GPC4: variants seen among roughly 807,000 people sequenced by gnomAD.
GPC4 encodes the protein glypican 4.
GPC4 carries 10 observed loss-of-function variants against 35.0 expected under a neutral mutation model. That is an observed-to-expected ratio of 0.29 (90% CI 0.18 to 0.48). The LOEUF (loss-of-function observed/expected upper bound fraction) is 0.48, where lower values mean the gene tolerates loss of function less well. Among genes scored for constraint, GPC4 ranks in the 20% least tolerant of loss-of-function variants. The probability of loss-of-function intolerance (pLI) is 0.99; values close to 1 mark genes in which losing one functional copy is unlikely to be tolerated. For missense variants in GPC4, 322 were observed against 451.3 expected, an observed-to-expected ratio of 0.71 and a Z score of 2.60; for synonymous variants, 167 against 170.2, an observed-to-expected ratio of 0.98 and a Z score of 0.15.
At chrX:133,341,494 T>C (rs1330659363) in intron 1 of GPC4, among the ~76,000 whole-genome samples, 1 of 111,877 alleles carries the variant, frequency 8.9e-6, no homozygotes, top group Non-Finnish European at 1.9e-5. Flanking sequence ...CCTGCAAAGA[T>C]TCCATTGTGG....
chrX:133,313,419 CCTAA>C (rs1452908402), intron 3 of GPC4, among the ~76,000 whole-genome samples: 7 of 112,838 alleles, frequency 6.2e-5, no homozygotes, highest in African/African-American at 2.3e-4. Context: ...CTAAATTAGT[CCTAA>C]CTATGTATTA....
In GPC4 at chrX:133,307,822, C is replaced by T. The variant is rs767644503; in HGVS notation, c.878-1668G>A. On this transcript the variant is annotated intron_variant, in intron 4 of 8. Coordinates refer to ENST00000370828, the MANE Select transcript of GPC4 (RefSeq NM_001448.3). Reference sequence around the variant, plus strand: ...ACAACAACAACAACAAAACCCAGTGCATTTTGTAACTCCTTATTCCCCTAG... The same window carrying T: ...ACAACAACAACAACAAAACCCAGTGTATTTTGTAACTCCTTATTCCCCTAG... Among the ~76,000 whole-genome samples the T allele has an allele frequency of 2.7e-5, 3 of 112,182 alleles. No individual in the cohort carries two copies. The East Asian group carries it at 8.4e-4, about 31-fold the overall frequency.
At chrX:133,348,397 CT>C (rs2068502549) in intron 1 of GPC4, among the ~76,000 whole-genome samples, 1 of 112,198 alleles carries the variant, frequency 8.9e-6, no homozygotes, top group Non-Finnish European at 1.9e-5. Context: ...AATAGTAATA[CT>C]ACTAGTGATT....
In GPC4 at chrX:133,300,263, G is replaced by A. The variant is rs2068262532; in HGVS notation, c.*2604C>T. On this transcript the variant is annotated 3_prime_UTR_variant, in exon 9 of 9. Transcript: ENST00000370828. ...AATCAAAATAACAGGTGCTAGTTAC[G>A]ATTTTTGAAATAAAATATAAATCTA... is the stretch of plus-strand genomic sequence containing the variant. 1 of 112,115 alleles carries A rather than the reference G, an allele frequency of 8.9e-6. No homozygotes were observed. Among genetic ancestry groups the A allele is most frequent in the Non-Finnish European group, 1.9e-5 (1 of 53,231 alleles). The allele number at this position is 112,115 out of a possible 1,213,427, so 9.2% of individuals were successfully genotyped here.
At position 133,397,242 on chromosome X, in the gene GPC4, T is replaced by C. The variant is rs2068747352; in HGVS notation, c.160+17564A>G. The stretch of plus-strand genomic sequence containing the variant: ...AAGCTCGAGACCAGCCTGGGCAACA[T>C]GGCAAAACCCCATCTCTACAAAAAA... On this transcript the variant is annotated intron_variant, in intron 1 of 8. Coordinates refer to ENST00000370828, the MANE Select transcript of GPC4 (RefSeq NM_001448.3). Among the ~76,000 whole-genome samples, 3 of 111,754 alleles carry C rather than the reference T, an allele frequency of 2.7e-5. No homozygotes were observed. In the South Asian group the frequency reaches 1.1e-3, roughly 41 times the overall value.
At chrX:133,336,692 T>A (rs1215859548) in intron 2 of GPC4, among the ~76,000 whole-genome samples, 1 of 111,391 alleles carries the variant, frequency 9.0e-6, no homozygotes, top group Non-Finnish European at 1.9e-5. Flanking sequence ...GGCATTCCAG[T>A]ATTCCAGCAT....
At position 133,339,341 on chromosome X, in the gene GPC4, C is replaced by A; in HGVS notation, c.161G>T (p.Gly54Val). 8.3e-7 allele frequency: 1 copy of A among 1,206,944 alleles called. No homozygotes were observed. The highest frequency in any genetic ancestry group is 1.1e-6 in the Non-Finnish European group (1 of 892,847). ...CTGGGGACAGATCTTCAAATGATCA[C>A]CTGCAAGATAAAAAGTAAGACAGTC... Reference protein sequence around the residue: ...KNDAPLHEINGDHLKICPQGS... With the variant: ...KNDAPLHEINVDHLKICPQGS... Residue 54 changes from glycine to valine, a missense_variant and splice_region_variant, in exon 2 of 9, where the codon GGT becomes GTT. Gly to Val is a moderately radical substitution (Grantham distance 109, BLOSUM62 -3). Around this residue, in one of 3 missense-constraint regions of GPC4, gnomAD observed 60 missense variants for 64.1 expected, o/e 0.94. Transcript: ENST00000370828.
Position 133,330,368 on chromosome X carries a change from G to A in GPC4, c.320-5832C>T, listed in dbSNP as rs12559770. On this transcript the variant is annotated intron_variant, in intron 2 of 8. Transcript: ENST00000370828. ...TACACCCATCGACTCTTTCACCTAA[G>A]ATCAAGTAATTAATGAAGAACAGCA... Among the ~76,000 whole-genome samples, 238 of 110,647 alleles carry A rather than the reference G, an allele frequency of 2.2e-3. 2 individuals carry two copies. Among genetic ancestry groups the A allele is most frequent in the Admixed American group, 8.3e-3 (86 of 10,349 alleles).
chrX:133,314,804 C>T (rs903647895), intron 3 of GPC4, among the ~76,000 whole-genome samples: 1 of 111,070 alleles, frequency 9.0e-6, no homozygotes, highest in Non-Finnish European at 1.9e-5. Context: ...AGTTTTAAAA[C>T]AGTCACGAGA....
At chrX:133,369,978 T>C (rs191466857) in intron 1 of GPC4, among the ~76,000 whole-genome samples, 57 of 111,996 alleles carry the variant, frequency 5.1e-4, no homozygotes, top group African/African-American at 1.7e-3. Flanking sequence ...TTACATCAAC[T>C]AGTTGATTAC....
chrX:133,391,933 T>C (rs1254116724), intron 1 of GPC4, among the ~76,000 whole-genome samples: 1 of 109,969 alleles, frequency 9.1e-6, no homozygotes, highest in Non-Finnish European at 1.9e-5. Context: ...AGGTGAGGAG[T>C]TGTATTCACT....
Position 133,342,540 on chromosome X carries a change from C to T in GPC4, c.161-3199G>A, listed in dbSNP as rs970484646. Among the ~76,000 whole-genome samples, 3 of 111,413 alleles carry T rather than the reference C, an allele frequency of 2.7e-5. No homozygotes were observed. The Admixed American group carries it at 2.9e-4, about 11-fold the overall frequency. ...TTGGGCCATATAGCCCCGAATGCAC[C>T]ACTTATCCTGTCTGCATTTCTAAAA... On this transcript the variant is annotated intron_variant, in intron 1 of 8. Coordinates refer to ENST00000370828, the MANE Select transcript of GPC4 (RefSeq NM_001448.3).
Position 133,346,722 on chromosome X carries a change from TACTC to T in GPC4, c.161-7385_161-7382del, listed in dbSNP as rs1182562218. 7.1e-5 allele frequency among the ~76,000 whole-genome samples: 8 copies of T among 112,109 alleles called. No individual in the cohort carries two copies. In the Admixed American group the frequency reaches 7.6e-4, roughly 11 times the overall value. ...TCTACTGTATCTGTAAATAGAATATTACTCAGCCATTGGAAGGAAGGAAATTCGG... is the reference window on the plus strand; with the variant it reads ...TCTACTGTATCTGTAAATAGAATATTAGCCATTGGAAGGAAGGAAATTCGG... On this transcript the variant is annotated intron_variant, in intron 1 of 8. Coordinates refer to ENST00000370828, the MANE Select transcript of GPC4 (RefSeq NM_001448.3).
At chrX:133,335,450 C>G (rs1344073057) in intron 2 of GPC4, among the ~76,000 whole-genome samples, 1 of 111,265 alleles carries the variant, frequency 9.0e-6, no homozygotes, top group Non-Finnish European at 1.9e-5. Flanking sequence ...TCCGAACACA[C>G]ACACACATAC....
At chrX:133,362,745 A>G (rs1242748081) in intron 1 of GPC4, among the ~76,000 whole-genome samples, 1 of 111,926 alleles carries the variant, frequency 8.9e-6, no homozygotes, top group Non-Finnish European at 1.9e-5. Context: ...GGCTCACACA[A>G]TCTTTATTTC....
rs747604630 is a variant in GPC4, at chrX:133,307,529, C to T, written c.878-1375G>A. Among the ~76,000 whole-genome samples the T allele has an allele frequency of 6.3e-5, 7 of 111,874 alleles. No homozygotes were observed. The South Asian group carries it at 1.9e-3, about 30-fold the overall frequency. ...TGTGGTAAGCGCCAATCAAGTGATGCTTCTAACTCTAAGTAAGGGCTGAAA... is the reference window on the plus strand; with the variant it reads ...TGTGGTAAGCGCCAATCAAGTGATGTTTCTAACTCTAAGTAAGGGCTGAAA... On this transcript the variant is annotated intron_variant, in intron 4 of 8. Transcript: ENST00000370828.
rs759257116 is a variant in GPC4, at chrX:133,388,952, C to CTTT, written c.160+25851_160+25853dup. Among the ~76,000 whole-genome samples the CTTT allele has an allele frequency of 3.6e-3, 192 of 53,413 alleles. 1 individual carries two copies. Among genetic ancestry groups the CTTT allele is most frequent in the African/African-American group, 8.3e-3 (123 of 14,788 alleles). The allele number at this position is 53,413 out of a possible 115,157, so 46.4% of individuals were successfully genotyped here. A position where few individuals can be genotyped will look rare whatever the true frequency, so the allele number is the denominator to read the frequency against. On this transcript the variant is annotated intron_variant, in intron 1 of 8. Transcript: ENST00000370828. ...CAGCACCAGCACAGCTACCCATAGC[C>CTTT]TTTTTTTTTTTTTTTTTTTTTTGAG...
In GPC4 at chrX:133,306,087, G is replaced by A. The variant is rs748751937; in HGVS notation, c.945C>T (p.Ile315=). 4 of 1,210,022 alleles carry A rather than the reference G, an allele frequency of 3.3e-6. No individual in the cohort carries two copies. Among genetic ancestry groups the A allele is most frequent in the Admixed American group, 2.2e-5 (1 of 45,976 alleles). ...TAATAGCATCAGAAATCTTCACATC[G>A]ATGGGATCCATGACCGATTCAATGT... is the stretch of plus-strand genomic sequence containing the variant. The part of the protein sequence containing the change: ...PFNIESVMDP[I]DVKISDAIMN... The change falls in exon 5 of 9, where the codon ATC becomes ATT. Residue 315 remains isoleucine (I), a synonymous_variant. Coordinates refer to ENST00000370828, the MANE Select transcript of GPC4 (RefSeq NM_001448.3).
intron 2 of GPC4, among the ~76,000 whole-genome samples, chrX:133,325,880 G>A (rs1040704754): frequency 7.2e-5 from 8 of 111,677 alleles, no homozygotes; most frequent in Admixed American, 2.9e-4. Flanking sequence ...ATGTATGTGT[G>A]TGACTCTCCT....
Sources: allele counts gnomAD v4.1 joint callset (sites outside exome capture counted in the v4.1 genomes callset), GRCh38; gene constraint gnomAD v4.1.1; regional missense constraint gnomAD v4.1.1; transcripts MANE v1.5; gene names NCBI Gene and HGNC (gene_info 2026-07-23, HGNC 2026-07-21).